CDH23: variants seen among roughly 807,000 people sequenced by gnomAD.
CDH23 encodes cadherin-23.
In CDH23, 189 loss-of-function variants were observed where a neutral mutation model predicts 317.1. The ratio of observed to expected loss-of-function variants is 0.60; its 90% CI spans 0.53 to 0.67. The LOEUF (loss-of-function observed/expected upper bound fraction) is 0.67. Ranked by LOEUF, CDH23 falls within the 30% of genes least tolerant of loss-of-function variation. The probability of loss-of-function intolerance (pLI) is 0.00; values close to 1 mark genes in which losing one functional copy is unlikely to be tolerated. For synonymous variants in CDH23, 1,839 were observed against 1,876.8 expected, an observed-to-expected ratio of 0.98 and a Z score of 0.52; for missense variants, 4,401 against 4,592.4, an observed-to-expected ratio of 0.96 and a Z score of 1.20.
chr10:71,713,499 C>T (rs146278511), intron 28 of CDH23: 41 of 552,924 alleles, frequency 7.4e-5, no homozygotes, highest in African/African-American at 6.4e-4. Context: ...GGGACAGAAG[C>T]GTGGGAGGCT....
At position 71,784,880 on chromosome 10, in the gene CDH23, G is replaced by T. The variant is rs1237152466; in HGVS notation, c.5503-11G>T. ...TTCCTCCCCTCCCTCCTCCTTCTCT[G>T]ACTGGCCCAGATGCTGGTGGGGATC... On this transcript the variant is annotated splice_polypyrimidine_tract_variant and intron_variant, in intron 42 of 69. Coordinates refer to ENST00000224721, the MANE Select transcript of CDH23 (RefSeq NM_022124.6). 1.2e-6 allele frequency: 2 copies of T among 1,611,772 alleles called. No homozygotes were observed. Among genetic ancestry groups the T allele is most frequent in the South Asian group, 1.1e-5 (1 of 91,032 alleles).
intron 3 of CDH23, among the ~76,000 whole-genome samples, chr10:71,460,225 C>G (rs1280894652): frequency 6.6e-6 from 1 of 152,218 alleles, no homozygotes; most frequent in African/African-American, 2.4e-5. Flanking sequence ...AACTTCCAGC[C>G]CAGGGGCTGG....
chr10:71,773,314 C>G, intron 38 of CDH23: 1 of 1,560,148 alleles, frequency 6.4e-7, no homozygotes, highest in Non-Finnish European at 8.7e-7. Flanking sequence ...AGTCTGCTGT[C>G]TTCTCCCAGC....
intron 41 of CDH23, among the ~76,000 whole-genome samples, chr10:71,784,063 G>A (rs1026137183): frequency 3.5e-4 from 54 of 152,170 alleles, no homozygotes; most frequent in Admixed American, 2.6e-3. Flanking sequence ...TGAGTGGCCC[G>A]TGTCCGCCTG....
chr10:71,504,941 G>A (rs1425107989), intron 3 of CDH23, among the ~76,000 whole-genome samples: 1 of 152,170 alleles, frequency 6.6e-6, no homozygotes, highest in Non-Finnish European at 1.5e-5. Context: ...GGGAGAGTGG[G>A]GGCTGCTGTT....
At chr10:71,616,152 C>G (rs1480831990) in intron 10 of CDH23, among the ~76,000 whole-genome samples, 1 of 152,260 alleles carries the variant, frequency 6.6e-6, no homozygotes, top group East Asian at 1.9e-4. Flanking sequence ...GGTTTCAATT[C>G]AAATCAGTGA....
intron 3 of CDH23, among the ~76,000 whole-genome samples, chr10:71,506,929 G>A (rs1221559203): frequency 1.3e-5 from 2 of 152,172 alleles, no homozygotes; most frequent in Non-Finnish European, 2.9e-5. Flanking sequence ...GAAATTACAG[G>A]GTGGGTGACA....
chr10:71,679,252 C>A (rs1235505646), intron 16 of CDH23, 135 bp from the exon 17 acceptor site: 1 of 685,992 alleles, frequency 1.5e-6, no homozygotes. Context: ...TGGGCCAGGA[C>A]AAGACCCAGG....
chr10:71,446,672 T>C (rs1220582744), intron 3 of CDH23, among the ~76,000 whole-genome samples: 1 of 152,248 alleles, frequency 6.6e-6, no homozygotes, highest in Non-Finnish European at 1.5e-5. Context: ...GAAGGCCTTG[T>C]GAATATTTGA....
chr10:71,624,574 C>T (rs1224213437), intron 11 of CDH23, among the ~76,000 whole-genome samples: 2 of 152,138 alleles, frequency 1.3e-5, no homozygotes, highest in Non-Finnish European at 2.9e-5. Context: ...GTGGCACACA[C>T]CTGTAGTCCC....
rs373649718 is a variant in CDH23 at position 71,803,030 on chromosome 10, G to A, written c.7615G>A (p.Gly2539Ser). The A allele has an allele frequency of 6.2e-7, 1 of 1,613,832 alleles. No homozygotes were observed. Among genetic ancestry groups the A allele is most frequent in the African/African-American group, 1.3e-5 (1 of 74,936 alleles). ...ITMMATDQDEGPNGELTYSLE... is the reference protein window; with the variant it reads ...ITMMATDQDESPNGELTYSLE... ...CATGATGGCCACTGACCAGGATGAAGGTCCCAATGGAGAGTTGACCTACTC... is the reference window on the plus strand; with the variant it reads ...CATGATGGCCACTGACCAGGATGAAAGTCCCAATGGAGAGTTGACCTACTC... Residue 2539 changes from glycine to serine, a missense_variant, in exon 54 of 70, where the codon GGT becomes AGT. This residue lies in a region of CDH23 where 1,144 missense variants were observed against 1,138.2 expected (regional missense o/e 1.01). Transcript: ENST00000224721.
chr10:71,764,364 A>G (rs1322462389), intron 38 of CDH23, among the ~76,000 whole-genome samples: 1 of 152,230 alleles, frequency 6.6e-6, no homozygotes, highest in Non-Finnish European at 1.5e-5. Flanking sequence ...AGCAAGTGCT[A>G]GAGCTAGAAT....
intron 6 of CDH23, among the ~76,000 whole-genome samples, chr10:71,547,122 G>C (rs1856325156): frequency 6.6e-6 from 1 of 152,212 alleles, no homozygotes. Context: ...CAGTCTAGTG[G>C]GGAGTCAGAT....
chr10:71,461,659 C>T (rs999702391), intron 3 of CDH23, among the ~76,000 whole-genome samples: 4 of 152,244 alleles, frequency 2.6e-5, no homozygotes, highest in Admixed American at 6.5e-5. Context: ...GCGCGGCCAC[C>T]GCGACTTGGG....
intron 3 of CDH23, among the ~76,000 whole-genome samples, chr10:71,452,969 C>G (rs906137220): frequency 6.6e-6 from 1 of 152,100 alleles, no homozygotes; most frequent in African/African-American, 2.4e-5. Context: ...TCAGCAAGTG[C>G]TTGGTGGGTG....
At chr10:71,728,816 G>T (rs756326658) in intron 30 of CDH23, among the ~76,000 whole-genome samples, 2 of 152,100 alleles carry the variant, frequency 1.3e-5, no homozygotes, top group Admixed American at 1.3e-4. Context: ...CAATCCTCCC[G>T]CCTCAGCCTC....
intron 3 of CDH23, among the ~76,000 whole-genome samples, chr10:71,480,780 G>C (rs1360583589): frequency 6.6e-6 from 1 of 151,828 alleles, no homozygotes; most frequent in African/African-American, 2.4e-5. Context: ...CGGCTGTGTG[G>C]TCTCGGCTCA....
At position 71,645,412 on chromosome 10, in the gene CDH23, T is replaced by A. The variant is rs373804410; in HGVS notation, c.1141-419T>A. 6.6e-5 allele frequency among the ~76,000 whole-genome samples: 10 copies of A among 152,356 alleles called. No homozygotes were observed. In the East Asian group the frequency reaches 1.5e-3, roughly 23 times the overall value. On this transcript the variant is annotated intron_variant, in intron 12 of 69. Transcript: ENST00000224721. ...TGTCCTCTCCTGGCCAAGCCTGTCA[T>A]GGCCGCTTAACTGCTTCTCTTCTCT...
chr10:71,567,084 G>A, intron 7 of CDH23, 148 bp downstream of exon 7: 1 of 856,846 alleles, frequency 1.2e-6, no homozygotes. Flanking sequence ...TGATAGAAAT[G>A]AGGCTGGCAT....
Sources: gnomAD v4.1 joint callset for allele counts (sites outside exome capture counted in the v4.1 genomes callset) on GRCh38, gnomAD v4.1.1 for gene constraint, gnomAD v4.1.1 regional missense constraint, MANE v1.5 for transcripts, NCBI Gene and HGNC (gene_info 2026-07-23, HGNC 2026-07-21) for gene names.